The following PIWIL3 variants were observed in gnomAD, a reference collection of about 807,000 sequenced individuals.
PIWIL3 encodes the protein piwi-like protein 3.
Under a neutral mutation model 109.7 loss-of-function variants are expected in PIWIL3, and 101 were observed. The ratio of observed to expected loss-of-function variants is 0.92; its 90% CI spans 0.78 to 1.09. The LOEUF (loss-of-function observed/expected upper bound fraction) is 1.09. PIWIL3 is among the 50% of genes least tolerant of loss of function. PIWIL3 has a pLI of 0.00. For missense variants in PIWIL3, 1,031 were observed against 1,072.6 expected (o/e 0.96, Z 0.54); for synonymous variants, 373 against 376.4 (o/e 0.99, Z 0.10).
rs774493681 is a variant in PIWIL3, at chr22:24,719,856, C to A, written c.2397G>T (p.Gly799=). The part of the protein sequence containing the change: ...FFIVSQSVQD[G]TVTPTHYNVI... ...CGTTATAATGAGTGGGGGTAACAGTCCCATCTTGCACAGACTGACTCACAA... is the reference window on the plus strand; with the variant it reads ...CGTTATAATGAGTGGGGGTAACAGTACCATCTTGCACAGACTGACTCACAA... Residue 799 remains glycine (G), a synonymous_variant, in exon 20 of 21, where the codon GGG becomes GGT. Coordinates refer to ENST00000616349, the MANE Select transcript of PIWIL3 (RefSeq NM_001255975.1). The A allele has an allele frequency of 7.4e-6, 12 of 1,611,944 alleles. No individual in the cohort carries two copies. Among genetic ancestry groups the A allele is most frequent in the African/African-American group, 4.0e-5 (3 of 74,844 alleles).
rs556244584 is a variant in PIWIL3 at position 24,753,879 on chromosome 22, G to C, written c.977+135C>G. 2.8e-4 allele frequency: 192 copies of C among 695,238 alleles called. 2 individuals carry two copies. The South Asian group carries it at 3.5e-3, about 13-fold the overall frequency. 43.1% of individuals were successfully genotyped at this position (695,238 alleles called of 1,614,324 possible). On this transcript the variant is annotated intron_variant, in intron 8 of 20. Coordinates refer to ENST00000616349, the MANE Select transcript of PIWIL3 (RefSeq NM_001255975.1). Reference sequence around the variant, plus strand: ...TCCCAAGTTGTATAACCAGAGGAGAGACGTGTTCAGTTGTTCTTGCAATTT... The same window carrying C: ...TCCCAAGTTGTATAACCAGAGGAGACACGTGTTCAGTTGTTCTTGCAATTT...
chr22:24,719,886 A>G lies in PIWIL3; in HGVS notation c.2367T>C (p.Phe789=), dbSNP rs752778767. Residue 789 remains phenylalanine, a synonymous_variant, in exon 20 of 21, where the codon TTT becomes TTC. Transcript: ENST00000616349. The stretch of plus-strand genomic sequence containing the variant: ...CTTGCACAGACTGACTCACAATAAA[A>G]AAGTCATACCTGGAAATATAGGACA... The part of the protein sequence containing the change: ...VELTRNEWYD[F]FIVSQSVQDG... 3.1e-6 allele frequency: 5 copies of G among 1,610,034 alleles called. No homozygotes were observed. Among genetic ancestry groups the G allele is most frequent in the Non-Finnish European group, 4.2e-6 (5 of 1,177,108 alleles).
Position 24,762,448 on chromosome 22 carries a change from T to C in PIWIL3, c.52A>G (p.Ser18Gly). The change falls in exon 2 of 21, where the codon AGC becomes GGC. Residue 18 changes from serine (S) to glycine (G), a missense_variant. Ser to Gly is a moderately conservative substitution (Grantham distance 56). Transcript: ENST00000616349. ...RARGRARRRE[S>G]YQQEAPGGPR... The stretch of plus-strand genomic sequence containing the variant: ...CCCCCAGGTGCCTCTTGTTGGTAGC[T>C]CTCCCTGCGGCGGGCTCTGCCTCGG... 6.2e-7 allele frequency: 1 copy of C among 1,614,012 alleles called. No individual in the cohort carries two copies. The highest frequency in any genetic ancestry group is 8.5e-7 in the Non-Finnish European group (1 of 1,179,950).
intron 12 of PIWIL3, among the ~76,000 whole-genome samples, chr22:24,737,820 T>A (rs1315444255): frequency 6.6e-6 from 1 of 152,136 alleles, no homozygotes; most frequent in Non-Finnish European, 1.5e-5. Flanking sequence ...GTACTCCCTA[T>A]GGGCCTGTGG....
intron 2 of PIWIL3, 138 bp downstream of exon 2, chr22:24,762,260 C>G: frequency 7.3e-7 from 1 of 1,366,226 alleles, no homozygotes; most frequent in Non-Finnish European, 9.5e-7. Flanking sequence ...ATCTATACAG[C>G]CTGACTTTTC....
At position 24,767,806 on chromosome 22, in the gene PIWIL3, A is replaced by G. The variant is rs953551565; in HGVS notation, c.-22-5285T>C. 2.0e-5 allele frequency among the ~76,000 whole-genome samples: 3 copies of G among 152,348 alleles called. 1 individual carries two copies. The South Asian group carries it at 6.2e-4, about 32-fold the overall frequency. ...AAATACCAAAAATTATACTCTAGGC[A>G]TAATATTCAAACTGAAAGGACAGTG... On this transcript the variant is annotated intron_variant, in intron 1 of 20. Transcript: ENST00000616349.
intron 12 of PIWIL3, among the ~76,000 whole-genome samples, chr22:24,746,851 CCA>C (rs1271401810): frequency 6.6e-6 from 1 of 151,778 alleles, no homozygotes; most frequent in African/African-American, 2.4e-5. Context: ...ATTTAAGAGG[CCA>C]CACACAAAAA....
chr22:24,724,733 G>A (rs139039696), intron 18 of PIWIL3, among the ~76,000 whole-genome samples, 154 bp downstream of exon 18: 2,662 of 151,780 alleles, frequency 0.018, 82 homozygotes, highest in African/African-American at 0.06. Flanking sequence ...CACCGCACCC[G>A]GCCAATTTTT....
Position 24,754,792 on chromosome 22 carries a change from G to T in PIWIL3, c.765C>A (p.Tyr255Ter), listed in dbSNP as rs2147704556. 2 of 1,604,694 alleles carry T rather than the reference G, an allele frequency of 1.2e-6. No homozygotes were observed. The highest frequency in any genetic ancestry group is 2.2e-5 in the East Asian group (1 of 44,766). Residue 255 changes from tyrosine (Y) to a stop codon, truncating the protein, a stop_gained, in exon 7 of 21, where the codon TAC (tyrosine) becomes TAA (stop). Coordinates refer to ENST00000616349, the MANE Select transcript of PIWIL3 (RefSeq NM_001255975.1). LOFTEE classifies it high-confidence loss of function. ...YYTKKKAIQLYRHGTSLEIWL... is the reference protein window; with the variant it reads ...YYTKKKAIQL ...TTCTACTTTATACAAACCCATGACG[G>T]TATAACTGAATGGCCTTCTTTTTGG...
Position 24,756,586 on chromosome 22 carries a change from G to A in PIWIL3, c.475C>T (p.Arg159Cys), listed in dbSNP as rs199715991. 2.2e-5 allele frequency: 36 copies of A among 1,613,954 alleles called. No individual in the cohort carries two copies. The East Asian group carries it at 2.5e-4, about 11-fold the overall frequency. Residue 159 changes from arginine to cysteine, a missense_variant, in exon 5 of 21, where the codon CGT becomes TGT. Transcript: ENST00000616349. ...CTATGTTGATCAAGTAAAATTGTAC[G>A]GAGATTTCCATCTTCTATGTCTGGT... ...YKPDIEDGNLRTILLDQHRRK... is the reference protein window; with the variant it reads ...YKPDIEDGNLCTILLDQHRRK...
intron 6 of PIWIL3, among the ~76,000 whole-genome samples, chr22:24,755,367 C>T (rs1272858109): frequency 1.3e-5 from 2 of 152,220 alleles, no homozygotes; most frequent in African/African-American, 4.8e-5. Flanking sequence ...AAATGATCCA[C>T]CCGCCTCAGC....
Position 24,728,237 on chromosome 22 carries a change from G to T in PIWIL3, c.1845C>A (p.Thr615=), listed in dbSNP as rs776793827. 1 of 1,614,192 alleles carries T rather than the reference G, an allele frequency of 6.2e-7. No homozygotes were observed. Among genetic ancestry groups the T allele is most frequent in the South Asian group, 1.1e-5 (1 of 91,076 alleles). Residue 615 remains threonine, a synonymous_variant, in exon 15 of 21, where the codon ACC becomes ACA. Transcript: ENST00000616349. ...LEKVQARTIV[T]KIAQQMNCKM... is the part of the protein sequence containing the mutation. ...TGCAATTCATCTGCTGGGCAATCTT[G>T]GTGACGATGGTCCTTGCCTGGACTT...
Position 24,751,495 on chromosome 22 carries a change from G to T in PIWIL3, c.981C>A (p.Tyr327Ter). 1.2e-6 allele frequency: 2 copies of T among 1,609,230 alleles called. No individual in the cohort carries two copies. Among genetic ancestry groups the T allele is most frequent in the African/African-American group, 2.7e-5 (2 of 74,710 alleles). ...KLIGSIVLTK[Y>*]NNKTYRVDDI... ...CATCTACTCTGTAGGTTTTGTTGTTGTATCTGTGGAATAATTACAATATGG... is the reference window on the plus strand; with the variant it reads ...CATCTACTCTGTAGGTTTTGTTGTTTTATCTGTGGAATAATTACAATATGG... Residue 327 changes from tyrosine to a stop codon, truncating the protein, a stop_gained, in exon 9 of 21, where the codon TAC (tyrosine) becomes TAA (stop). Coordinates refer to ENST00000616349, the MANE Select transcript of PIWIL3 (RefSeq NM_001255975.1). LOFTEE classifies it high-confidence loss of function.
chr22:24,719,344 G>T lies in PIWIL3; in HGVS notation c.*128C>A. The T allele has an allele frequency of 1.4e-6, 1 of 700,906 alleles. No homozygotes were observed. The highest frequency in any genetic ancestry group is 2.4e-6 in the Non-Finnish European group (1 of 418,036). 43.4% of individuals were successfully genotyped at this position (700,906 alleles called of 1,614,324 possible). A position where few individuals can be genotyped will look rare whatever the true frequency, so the allele number is the denominator to read the frequency against. ...GAACATATCACTCTGAATCTCTCCT[G>T]TGTCCAATCAAAAACGATGAGAATT... On this transcript the variant is annotated 3_prime_UTR_variant, in exon 21 of 21. Coordinates refer to ENST00000616349, the MANE Select transcript of PIWIL3 (RefSeq NM_001255975.1).
chr22:24,760,126 A>G (rs1925333139), intron 2 of PIWIL3, 137 bp from the exon 3 acceptor site: 1 of 1,190,442 alleles, frequency 8.4e-7, no homozygotes, highest in Non-Finnish European at 1.2e-6. Flanking sequence ...CTAAGTTGTA[A>G]TAAGCAACAT....
Position 24,719,859 on chromosome 22 carries a change from A to G in PIWIL3, c.2394T>C (p.Asp798=), listed in dbSNP as rs368816009. The change falls in exon 20 of 21, where the codon GAT becomes GAC. Residue 798 remains aspartate (D), a synonymous_variant. Transcript: ENST00000616349. ...DFFIVSQSVQ[D]GTVTPTHYNV... is the part of the protein sequence containing the mutation. ...TATAATGAGTGGGGGTAACAGTCCC[A>G]TCTTGCACAGACTGACTCACAATAA... The G allele has an allele frequency of 4.3e-6, 7 of 1,612,106 alleles. No individual in the cohort carries two copies. Among genetic ancestry groups the G allele is most frequent in the Middle Eastern group, 1.6e-4 (1 of 6,078 alleles).
chr22:24,736,418 G>C (rs1465149346), intron 12 of PIWIL3, among the ~76,000 whole-genome samples: 3 of 152,186 alleles, frequency 2.0e-5, no homozygotes, highest in African/African-American at 4.8e-5. Context: ...GTTAGACTCA[G>C]ACTGCCTCCT....
intron 1 of PIWIL3, among the ~76,000 whole-genome samples, chr22:24,768,527 C>T (rs993493553): frequency 8.5e-5 from 13 of 152,286 alleles, no homozygotes; most frequent in East Asian, 7.7e-4. Flanking sequence ...GCTGGGATTA[C>T]AGGCGTGAGC....
chr22:24,738,650 A>G (rs1923803485), intron 12 of PIWIL3, among the ~76,000 whole-genome samples: 1 of 152,266 alleles, frequency 6.6e-6, no homozygotes, highest in South Asian at 2.1e-4. Flanking sequence ...AATCTGTGAG[A>G]ACCATAGCAT....
Sources: gnomAD v4.1 joint callset for allele counts (sites outside exome capture counted in the v4.1 genomes callset) on GRCh38, gnomAD v4.1.1 for gene constraint, MANE v1.5 for transcripts, NCBI Gene and HGNC (gene_info 2026-07-23, HGNC 2026-07-21) for gene names.